Variants in DOCK6 observed in about 807,000 individuals in gnomAD.
DOCK6 encodes the protein dedicator of cytokinesis 6, also known as dedicator of cytokinesis protein 6.
DOCK6 carries 167 observed loss-of-function variants against 230.3 expected under a neutral mutation model. The observed-to-expected ratio is 0.73, with a 90% CI of 0.64 to 0.82. The LOEUF is 0.82. DOCK6 is among the 40% of genes least tolerant of loss of function. DOCK6 has a pLI of 0.00. For synonymous variants in DOCK6, 1,148 were observed against 1,185.0 expected, an observed-to-expected ratio of 0.97 and a Z score of 0.64; for missense variants, 2,598 against 2,825.8, an observed-to-expected ratio of 0.92 and a Z score of 1.83.
Position 11,243,865 on chromosome 19 carries a change from C to G in DOCK6, c.1041G>C (p.Gln347His), listed in dbSNP as rs989269687. 9 of 1,611,660 alleles carry G rather than the reference C, an allele frequency of 5.6e-6. No homozygotes were observed. Among genetic ancestry groups the G allele is most frequent in the Non-Finnish European group, 7.6e-6 (9 of 1,179,010 alleles). Residue 347 changes from glutamine to histidine, a missense_variant, in exon 10 of 48, where the codon CAG (glutamine) becomes CAC (histidine). Physicochemically the swap from Gln to His is conservative, Grantham distance 24. Transcript: ENST00000294618. The surrounding 1 kb of genome is among the most constrained non-coding windows in gnomAD (Gnocchi z 6.3). Reference sequence around the variant, plus strand: ...CACAGCACTCACTGATGTCCCCTTGCTGAAGCACCTTCTCCAACTGCGGGG... The same window carrying G: ...CACAGCACTCACTGATGTCCCCTTGGTGAAGCACCTTCTCCAACTGCGGGG... ...FLVIKLEKVL[Q>H]QGDISECCEP...
At chr19:11,237,001 G>T in intron 18 of DOCK6, 122 bp from the exon 19 acceptor site, 1 of 1,007,762 alleles carries the variant, frequency 9.9e-7, no homozygotes, top group Non-Finnish European at 1.4e-6. Flanking sequence ...GTGCAGCCAA[G>T]CACCCTGCCC....
chr19:11,238,310 G>A lies in DOCK6; in HGVS notation c.1644-6C>T, dbSNP rs767318611. The A allele has an allele frequency of 1.3e-6, 2 of 1,599,540 alleles. No individual in the cohort carries two copies. The highest frequency in any genetic ancestry group is 4.5e-5 in the East Asian group (2 of 44,376). ...GGTACACGTACAGCAGGTTCCTGTG[G>A]GGGGCAGGATGGGGGTGTCAGAGGG... On this transcript the variant is annotated splice_polypyrimidine_tract_variant and splice_region_variant and intron_variant, in intron 14 of 47. Coordinates refer to ENST00000294618, the MANE Select transcript of DOCK6 (RefSeq NM_020812.4).
At chr19:11,262,310 G>T in intron 1 of DOCK6, 87 bp downstream of exon 1, 1 of 924,618 alleles carries the variant, frequency 1.1e-6, no homozygotes, top group Non-Finnish European at 1.4e-6. Flanking sequence ...GTTGAATTGG[G>T]GGCGCCCGGG....
In DOCK6 at chr19:11,236,987, G is replaced by T. The variant is rs1158995037; in HGVS notation, c.2074-108C>A. The T allele has an allele frequency of 6.6e-6, 8 of 1,207,078 alleles. No individual in the cohort carries two copies. The highest frequency in any genetic ancestry group is 3.0e-5 in the South Asian group (2 of 67,724). The allele number at this position is 1,207,078 out of a possible 1,614,324, so 74.8% of individuals were successfully genotyped here. A position where few individuals can be genotyped will look rare whatever the true frequency, so the allele number is the denominator to read the frequency against. Reference sequence around the variant, plus strand: ...CTGCAGCGTGAGTGTAGCCCGGTCTGGGGGTGCAGCCAAGCACCCTGCCCC... The same window carrying T: ...CTGCAGCGTGAGTGTAGCCCGGTCTTGGGGTGCAGCCAAGCACCCTGCCCC... On this transcript the variant is annotated intron_variant, in intron 18 of 47. Coordinates refer to ENST00000294618, the MANE Select transcript of DOCK6 (RefSeq NM_020812.4). The surrounding 1 kb of genome is among the most constrained non-coding windows in gnomAD (Gnocchi z 5.2).
intron 35 of DOCK6, 59 bp downstream of exon 35, chr19:11,213,117 C>A: frequency 6.4e-7 from 1 of 1,571,838 alleles, no homozygotes; most frequent in South Asian, 1.2e-5. Flanking sequence ...ATGGTTGAGA[C>A]CCCACTGGCC....
At chr19:11,259,771 C>G (rs572094217) in intron 1 of DOCK6, among the ~76,000 whole-genome samples, 9 of 150,932 alleles carry the variant, frequency 6.0e-5, no homozygotes, top group African/African-American at 2.2e-4. Context: ...TTAGTAGAGA[C>G]GGAGTTTCAC....
At position 11,242,075 on chromosome 19, in the gene DOCK6, C is replaced by G. The variant is rs762793134; in HGVS notation, c.1613G>C (p.Arg538Pro). The change falls in exon 14 of 48, where the codon CGC becomes CCC. Residue 538 changes from arginine (R) to proline (P), a missense_variant. Coordinates refer to ENST00000294618, the MANE Select transcript of DOCK6 (RefSeq NM_020812.4). Reference protein sequence around the residue: ...PTKEILEFPAREVYAPHTSYR... With the variant: ...PTKEILEFPAPEVYAPHTSYR... ...GCTGGTATGGGGGGCATAGACTTCG[C>G]GGGCGGGGAACTCCAGAATCTCCTT... is the stretch of plus-strand genomic sequence containing the variant. The G allele has an allele frequency of 1.3e-6, 2 of 1,548,062 alleles. No individual in the cohort carries two copies. Among genetic ancestry groups the G allele is most frequent in the East Asian group, 4.6e-5 (2 of 43,496 alleles).
At position 11,201,833 on chromosome 19, in the gene DOCK6, A is replaced by AC; in HGVS notation, c.5688+55_5688+56insG. The stretch of plus-strand genomic sequence containing the variant: ...TGTGTCTACCCTCCCCTCCCCTCCC[A>AC]GGGTCTGATGTCCCCTCACCTCCCC... On this transcript the variant is annotated intron_variant, in intron 44 of 47. Transcript: ENST00000294618. This position sits in a 1 kb window ranked among gnomAD's most constrained non-coding sequence, Gnocchi z 4.3. The AC allele has an allele frequency of 1.7e-6, 1 of 585,818 alleles. No homozygotes were observed. The highest frequency in any genetic ancestry group is 2.6e-6 in the Non-Finnish European group (1 of 387,244). 36.3% of individuals were successfully genotyped at this position (585,818 alleles called of 1,614,324 possible).
In DOCK6 at chr19:11,243,975, C is replaced by T; in HGVS notation, c.1024-93G>A. ...CAGCCTCCTGGACCCCTCATGGGCC[C>T]TCGGACACTCCTAACATATGAAGGC... On this transcript the variant is annotated intron_variant, in intron 9 of 47. Coordinates refer to ENST00000294618, the MANE Select transcript of DOCK6 (RefSeq NM_020812.4). This position sits in a 1 kb window ranked among gnomAD's most constrained non-coding sequence, Gnocchi z 6.3. 1 of 1,340,776 alleles carries T rather than the reference C, an allele frequency of 7.5e-7. No individual in the cohort carries two copies. Among genetic ancestry groups the T allele is most frequent in the Non-Finnish European group, 1.0e-6 (1 of 957,000 alleles). 83.1% of individuals were successfully genotyped at this position (1,340,776 alleles called of 1,614,324 possible).
intron 28 of DOCK6, 87 bp from the exon 29 acceptor site, chr19:11,217,478 C>A (rs2079511244): frequency 2.6e-6 from 4 of 1,513,296 alleles, no homozygotes; most frequent in South Asian, 2.4e-5. Flanking sequence ...CCCTCATGGC[C>A]AGGCACAGTG....
At chr19:11,258,944 A>T (rs941088970) in intron 1 of DOCK6, among the ~76,000 whole-genome samples, 2 of 150,348 alleles carry the variant, frequency 1.3e-5, no homozygotes, top group African/African-American at 2.5e-5. Context: ...TTTCGTAGAG[A>T]TGGGGTTTCA....
Position 11,204,110 on chromosome 19 carries a change from A to T in DOCK6, c.5221-15T>A. 1 of 1,465,332 alleles carries T rather than the reference A, an allele frequency of 6.8e-7. No individual in the cohort carries two copies. Among genetic ancestry groups the T allele is most frequent in the East Asian group, 2.9e-5 (1 of 34,790 alleles). 90.8% of individuals were successfully genotyped at this position (1,465,332 alleles called of 1,614,324 possible). On this transcript the variant is annotated splice_polypyrimidine_tract_variant and intron_variant, in intron 40 of 47. Coordinates refer to ENST00000294618, the MANE Select transcript of DOCK6 (RefSeq NM_020812.4). ...CAGCCGGAACTCTGTGGGGAAGAGA[A>T]GGGTCAAGGTCAGCAGATCCCTGGG...
At position 11,250,976 on chromosome 19, in the gene DOCK6, CAG is replaced by C; in HGVS notation, c.616_617del (p.Leu206AlafsTer14). ...CATCTTCTGGGGCCGCCCGCTCTAG[CAG>C]AGAGGGCAGCAATGAGTCAGCTGCC... ...NLAADSLLPSLLERAAPEDVD... is the reference protein window; with the variant it reads ...NLAADSLLPSXLERAAPEDVD... On this transcript the variant is annotated frameshift_variant, in exon 6 of 48. Transcript: ENST00000294618. LOFTEE classifies it high-confidence loss of function. 2 of 1,613,812 alleles carry C rather than the reference CAG, an allele frequency of 1.2e-6. No individual in the cohort carries two copies. Among genetic ancestry groups the C allele is most frequent in the Non-Finnish European group, 1.7e-6 (2 of 1,179,858 alleles).
In DOCK6 at chr19:11,222,812, C is replaced by T. The variant is rs202209921; in HGVS notation, c.3163G>A (p.Val1055Met). The change falls in exon 26 of 48, where the codon GTG becomes ATG. Residue 1055 changes from valine (V) to methionine (M), a missense_variant. By Grantham distance (21) the Val-to-Met change is conservative (BLOSUM62 1). Coordinates refer to ENST00000294618, the MANE Select transcript of DOCK6 (RefSeq NM_020812.4). The surrounding 1 kb of genome is among the most constrained non-coding windows in gnomAD (Gnocchi z 4.0). The part of the protein sequence containing the change: ...TRILCSHEHY[V>M]TLNLPCCPLS... ...GGGCAGCAGGGGAGGTTGAGGGTCA[C>T]GTAGTGCTCGTGGCTGCACAGGATG... 1.9e-3 allele frequency: 3,001 copies of T among 1,592,482 alleles called. 3 individuals carry two copies. The highest frequency in any genetic ancestry group is 2.3e-3 in the Non-Finnish European group (2,708 of 1,169,906).
chr19:11,243,873 C>T lies in DOCK6; in HGVS notation c.1033G>A (p.Val345Met). Residue 345 changes from valine to methionine, a missense_variant, in exon 10 of 48, where the codon GTG becomes ATG. Val to Met is a conservative substitution (Grantham distance 21). Coordinates refer to ENST00000294618, the MANE Select transcript of DOCK6 (RefSeq NM_020812.4). The surrounding 1 kb of genome is among the most constrained non-coding windows in gnomAD (Gnocchi z 6.3). Reference sequence around the variant, plus strand: ...TCACTGATGTCCCCTTGCTGAAGCACCTTCTCCAACTGCGGGGCAGATGAA... The same window carrying T: ...TCACTGATGTCCCCTTGCTGAAGCATCTTCTCCAACTGCGGGGCAGATGAA... ...DIFLVIKLEK[V>M]LQQGDISECC... is the part of the protein sequence containing the mutation. 1.9e-6 allele frequency: 3 copies of T among 1,610,450 alleles called. No individual in the cohort carries two copies. Among genetic ancestry groups the T allele is most frequent in the Non-Finnish European group, 2.5e-6 (3 of 1,178,474 alleles).
Position 11,202,266 on chromosome 19 carries a change from G to A in DOCK6, c.5451+128C>T. 1 of 1,387,448 alleles carries A rather than the reference G, an allele frequency of 7.2e-7. No homozygotes were observed. The highest frequency in any genetic ancestry group is 9.9e-7 in the Non-Finnish European group (1 of 1,006,670). 85.9% of individuals were successfully genotyped at this position (1,387,448 alleles called of 1,614,324 possible). On this transcript the variant is annotated intron_variant, in intron 43 of 47. Transcript: ENST00000294618. The surrounding 1 kb of genome is among the most constrained non-coding windows in gnomAD (Gnocchi z 5.3). Reference sequence around the variant, plus strand: ...ATGTTTGGGAATCCCCTGAGGAATAGGTTTTGGGGTCCCTCAGTGAAATAT... The same window carrying A: ...ATGTTTGGGAATCCCCTGAGGAATAAGTTTTGGGGTCCCTCAGTGAAATAT...
At position 11,216,025 on chromosome 19, in the gene DOCK6, G is replaced by A. The variant is rs1452639539; in HGVS notation, c.3895-98C>T. 15 of 1,488,734 alleles carry A rather than the reference G, an allele frequency of 1.0e-5. No homozygotes were observed. In the Admixed American group the frequency reaches 1.7e-4, roughly 17 times the overall value. 92.2% of individuals were successfully genotyped at this position (1,488,734 alleles called of 1,614,324 possible). ...TTTCTTTGTGCTCTTTCTCACCTCC[G>A]GGCCCCTGTGCTTAAAGACAGATTG... is the stretch of plus-strand genomic sequence containing the variant. On this transcript the variant is annotated intron_variant, in intron 30 of 47. Coordinates refer to ENST00000294618, the MANE Select transcript of DOCK6 (RefSeq NM_020812.4).
intron 39 of DOCK6, among the ~76,000 whole-genome samples, chr19:11,207,836 G>A (rs2079287256): frequency 6.6e-6 from 1 of 152,058 alleles, no homozygotes; most frequent in Non-Finnish European, 1.5e-5. Flanking sequence ...AGGCCAGGGT[G>A]GGAGAATCAC....
rs745805860 is a variant in DOCK6 at position 11,222,287 on chromosome 19, A to C, written c.3241-39T>G. ...GAAAAATGGGGGATGCCAGCGGTCA[A>C]GGGTCAGAGGTGGCAGGTCACCATT... is the stretch of plus-strand genomic sequence containing the variant. On this transcript the variant is annotated intron_variant, in intron 26 of 47. Transcript: ENST00000294618. This position sits in a 1 kb window ranked among gnomAD's most constrained non-coding sequence, Gnocchi z 4.0. The C allele has an allele frequency of 6.4e-7, 1 of 1,568,284 alleles. No homozygotes were observed. Among genetic ancestry groups the C allele is most frequent in the South Asian group, 1.2e-5 (1 of 85,650 alleles).
Sources: allele counts gnomAD v4.1 joint callset (sites outside exome capture counted in the v4.1 genomes callset), GRCh38; gene constraint gnomAD v4.1.1; non-coding constraint Gnocchi (gnomAD v3.1); transcripts MANE v1.5; gene names NCBI Gene and HGNC (gene_info 2026-07-23, HGNC 2026-07-21).